Variants in AKT2 observed in about 807,000 individuals in gnomAD.
AKT2 encodes the protein AKT serine/threonine kinase 2, also known as RAC-beta serine/threonine-protein kinase.
In AKT2, 16 loss-of-function variants were observed where a neutral mutation model predicts 58.6. That is an observed-to-expected ratio of 0.27 (90% CI 0.18 to 0.41). The LOEUF (loss-of-function observed/expected upper bound fraction) is 0.41. AKT2 is among the 10% of genes least tolerant of loss of function. AKT2 has a pLI of 1.00. For synonymous variants in AKT2, 253 were observed against 254.0 expected, an observed-to-expected ratio of 1.00 and a Z score of 0.04; for missense variants, 438 against 661.0, an observed-to-expected ratio of 0.66 and a Z score of 3.70.
At chr19:40,241,778 C>A in intron 6 of AKT2, 160 bp downstream of exon 6, 1 of 1,114,648 alleles carries the variant, frequency 9.0e-7, no homozygotes. Context: ...CCTGCTGCTC[C>A]TCTCTGGGCC....
intron 1 of AKT2, among the ~76,000 whole-genome samples, chr19:40,271,028 A>C (rs1390128814): frequency 6.6e-6 from 1 of 150,382 alleles, no homozygotes; most frequent in Non-Finnish European, 1.5e-5. Flanking sequence ...ACAGACAAAC[A>C]AACAAACAAA....
intron 1 of AKT2, among the ~76,000 whole-genome samples, chr19:40,278,028 G>C (rs1317002642): frequency 6.6e-6 from 1 of 152,142 alleles, no homozygotes; most frequent in Non-Finnish European, 1.5e-5. Flanking sequence ...TGGTATTGGG[G>C]GTGGAGAGAA....
In AKT2 at chr19:40,234,968, G is replaced by C. The variant is rs749235302; in HGVS notation, c.1366+77C>G. 7.5e-7 allele frequency: 1 copy of C among 1,335,992 alleles called. No individual in the cohort carries two copies. The highest frequency in any genetic ancestry group is 1.2e-5 in the South Asian group (1 of 84,538). The allele number at this position is 1,335,992 out of a possible 1,614,324, so 82.8% of individuals were successfully genotyped here. A position where few individuals can be genotyped will look rare whatever the true frequency, so the allele number is the denominator to read the frequency against. ...GCGGGGGCCTTCGAGGGCCCTCCTT[G>C]AGAAGTGAGTTAAGAGCAGATCCCA... On this transcript the variant is annotated intron_variant, in intron 13 of 13. Transcript: ENST00000392038. This position sits in a 1 kb window ranked among gnomAD's most constrained non-coding sequence, Gnocchi z 4.7.
chr19:40,256,226 A>T (rs1329313599), intron 3 of AKT2, among the ~76,000 whole-genome samples: 1 of 152,192 alleles, frequency 6.6e-6, no homozygotes, highest in Non-Finnish European at 1.5e-5. Context: ...AAAAGGCTTC[A>T]TGCAGAGCAG....
intron 1 of AKT2, chr19:40,283,019 C>T (rs1410881662): frequency 1.9e-5 from 3 of 157,168 alleles, no homozygotes; most frequent in African/African-American, 4.8e-5. Context: ...CTAACTAGCT[C>T]GTAGCTCTCC....
At chr19:40,266,975 ATATG>A (rs1360107552) in intron 1 of AKT2, among the ~76,000 whole-genome samples, 5 of 151,914 alleles carry the variant, frequency 3.3e-5, no homozygotes, top group African/African-American at 1.2e-4. Flanking sequence ...AAATATATAA[ATATG>A]TATGTATTTC....
intron 4 of AKT2, among the ~76,000 whole-genome samples, chr19:40,254,236 T>G (rs1160041817): frequency 6.6e-6 from 1 of 152,160 alleles, no homozygotes; most frequent in Non-Finnish European, 1.5e-5. Flanking sequence ...AGATGCTCAT[T>G]AAGAATGTAG....
At chr19:40,265,086 G>T in intron 2 of AKT2, 136 bp downstream of exon 2, 2 of 1,308,328 alleles carry the variant, frequency 1.5e-6, no homozygotes, top group Non-Finnish European at 2.1e-6. Flanking sequence ...GGGGGCATAA[G>T]CAGCTGTGGG....
Position 40,235,772 on chromosome 19 carries a change from G to A in AKT2, c.1175+118C>T. 1.9e-6 allele frequency: 2 copies of A among 1,079,710 alleles called. No individual in the cohort carries two copies. Among genetic ancestry groups the A allele is most frequent in the Non-Finnish European group, 2.6e-6 (2 of 763,998 alleles). The allele number at this position is 1,079,710 out of a possible 1,614,324, so 66.9% of individuals were successfully genotyped here. A position where few individuals can be genotyped will look rare whatever the true frequency, so the allele number is the denominator to read the frequency against. On this transcript the variant is annotated intron_variant, in intron 11 of 13. Transcript: ENST00000392038. The surrounding 1 kb of genome is among the most constrained non-coding windows in gnomAD (Gnocchi z 6.3). ...CTGTGGACGTTTTCAGGGGCTGTGT[G>A]GGGACGACACACTGCGACCCTACAA...
At chr19:40,243,088 G>A (rs1974512203) in intron 4 of AKT2, 1 of 276,132 alleles carries the variant, frequency 3.6e-6, no homozygotes, top group Admixed American at 4.4e-5. Flanking sequence ...GGTGCAGTGA[G>A]CAGAGATCGC....
chr19:40,258,104 G>C (rs1975671934), intron 2 of AKT2, among the ~76,000 whole-genome samples: 1 of 151,962 alleles, frequency 6.6e-6, no homozygotes, highest in Non-Finnish European at 1.5e-5. Context: ...AAATTAGCCA[G>C]GCATGGTGGT....
In AKT2 at chr19:40,261,128, A is replaced by C. The variant is rs562213342; in HGVS notation, c.47-4074T>G. Among the ~76,000 whole-genome samples the C allele has an allele frequency of 2.0e-5, 3 of 152,370 alleles. No homozygotes were observed. In the South Asian group the frequency reaches 6.2e-4, roughly 32 times the overall value. ...TGAATTGAATTGTCCCCCAAAGTTC[A>C]TGTGTTGGAAACTTGATCCCCAATG... On this transcript the variant is annotated intron_variant, in intron 2 of 13. Coordinates refer to ENST00000392038, the MANE Select transcript of AKT2 (RefSeq NM_001626.6).
chr19:40,230,937 G>C lies in AKT2; in HGVS notation c.*2935C>G, dbSNP rs1973671678. ...AAGGTCTCCCTATGATGCCCAGGCT[G>C]GTCTCGAACCCCTGGCCTCAAGAGA... On this transcript the variant is annotated 3_prime_UTR_variant, in exon 14 of 14. Transcript: ENST00000392038. 1.1e-5 allele frequency: 2 copies of C among 189,214 alleles called. No individual in the cohort carries two copies. The allele number at this position is 189,214 out of a possible 1,614,324, so 11.7% of individuals were successfully genotyped here. A position where few individuals can be genotyped will look rare whatever the true frequency, so the allele number is the denominator to read the frequency against.
At chr19:40,260,889 A>G (rs1422703868) in intron 2 of AKT2, among the ~76,000 whole-genome samples, 1 of 152,200 alleles carries the variant, frequency 6.6e-6, no homozygotes, top group Non-Finnish European at 1.5e-5. Context: ...TTGAGGCTGC[A>G]GTGAGCCATG....
At chr19:40,258,267 A>C (rs945005308) in intron 2 of AKT2, among the ~76,000 whole-genome samples, 11 of 151,506 alleles carry the variant, frequency 7.3e-5, no homozygotes, top group Non-Finnish European at 1.3e-4. Flanking sequence ...AAAAAAACAA[A>C]AAAAAAAACC....
chr19:40,256,794 G>A, intron 3 of AKT2, 132 bp downstream of exon 3: 9 of 1,386,660 alleles, frequency 6.5e-6, no homozygotes, highest in Non-Finnish European at 9.1e-6. Context: ...GCAGGGGAAG[G>A]GTGAAAACAG....
chr19:40,242,756 C>G lies in AKT2; in HGVS notation c.288-69G>C, dbSNP rs1974494821. ...GCCTCAGAGTCGAACAGCTGAGTGC[C>G]ACCTCCCAGCCACCCCCAGCAACAG... On this transcript the variant is annotated intron_variant, in intron 4 of 13. Transcript: ENST00000392038. The surrounding 1 kb of genome is among the most constrained non-coding windows in gnomAD (Gnocchi z 4.3). 5 of 1,554,324 alleles carry G rather than the reference C, an allele frequency of 3.2e-6. No homozygotes were observed. In the East Asian group the frequency reaches 1.1e-4, roughly 36 times the overall value.
chr19:40,265,489 C>A, intron 1 of AKT2, 138 bp from the exon 2 acceptor site: 1 of 1,218,280 alleles, frequency 8.2e-7, no homozygotes, highest in Non-Finnish European at 1.1e-6. Flanking sequence ...TGGCGTGGAG[C>A]CCGCTCTCAA....
At position 40,242,893 on chromosome 19, in the gene AKT2, A is replaced by G; in HGVS notation, c.288-206T>C. ...GCCAGGCGCAGTGGCTCATGCCTAT[A>G]ATCCCAGCACTTTGGGAGGCTGAGG... On this transcript the variant is annotated intron_variant, in intron 4 of 13. Coordinates refer to ENST00000392038, the MANE Select transcript of AKT2 (RefSeq NM_001626.6). This position sits in a 1 kb window ranked among gnomAD's most constrained non-coding sequence, Gnocchi z 4.3. 1.7e-6 allele frequency: 1 copy of G among 595,884 alleles called. No homozygotes were observed. Among genetic ancestry groups the G allele is most frequent in the Non-Finnish European group, 3.0e-6 (1 of 331,852 alleles). 36.9% of individuals were successfully genotyped at this position (595,884 alleles called of 1,614,324 possible).
Sources: allele counts gnomAD v4.1 joint callset (sites outside exome capture counted in the v4.1 genomes callset), GRCh38; gene constraint gnomAD v4.1.1; non-coding constraint Gnocchi (gnomAD v3.1); transcripts MANE v1.5; gene names NCBI Gene and HGNC (gene_info 2026-07-23, HGNC 2026-07-21).